CACNA1A: variants seen among roughly 807,000 people sequenced by gnomAD.
The protein encoded by CACNA1A is voltage-dependent P/Q-type calcium channel subunit alpha-1A.
Under a neutral mutation model 262.4 loss-of-function variants are expected in CACNA1A, and 57 were observed. That is an observed-to-expected ratio of 0.22 (90% CI 0.18 to 0.27). The LOEUF (loss-of-function observed/expected upper bound fraction) is 0.27. Among genes scored for constraint, CACNA1A ranks in the 10% least tolerant of loss-of-function variants. The pLI is 1.00. For missense variants in CACNA1A, 2,526 were observed against 3,562.8 expected, an observed-to-expected ratio of 0.71 and a Z score of 7.41; for synonymous variants, 1,431 against 1,419.3, an observed-to-expected ratio of 1.01 and a Z score of -0.18.
At position 13,407,763 on chromosome 19, in the gene CACNA1A, G is replaced by A. The variant is rs144406911; in HGVS notation, c.540-35984C>T. On this transcript the variant is annotated intron_variant, in intron 3 of 46. Transcript: ENST00000360228. ...CCTAGCACTTTGGGAGGCCAAGGCA[G>A]GCAGATTGCTTGAGCTCAGGAGTTA... 3.9e-3 allele frequency among the ~76,000 whole-genome samples: 600 copies of A among 152,310 alleles called. 4 individuals are homozygous for A. The highest frequency in any genetic ancestry group is 0.013 in the African/African-American group (560 of 41,568).
intron 17 of CACNA1A, 149 bp from the exon 18 acceptor site, chr19:13,300,805 G>A: frequency 1.5e-6 from 1 of 688,826 alleles, no homozygotes; most frequent in Non-Finnish European, 2.7e-6. Flanking sequence ...CCTGCTATTG[G>A]TTAAGTGTAT....
rs375315770 is a variant in CACNA1A at position 13,241,393 on chromosome 19, C to G, written c.4950+3789G>C. 1.5e-4 allele frequency: 105 copies of G among 709,250 alleles called. No homozygotes were observed. In the African/African-American group the frequency reaches 1.6e-3, roughly 10 times the overall value. The allele number at this position is 709,250 out of a possible 1,614,324, so 43.9% of individuals were successfully genotyped here. On this transcript the variant is annotated intron_variant, in intron 31 of 46. Coordinates refer to ENST00000360228, the MANE Select transcript of CACNA1A (RefSeq NM_001127222.2). This position sits in a 1 kb window ranked among gnomAD's most constrained non-coding sequence, Gnocchi z 4.0. ...GGGAGGACAGACAGACAGAGGAGAG[C>G]GGAGGGTTGAGGAGAGCGTCAGGCA...
chr19:13,207,292 CG>C lies in CACNA1A; in HGVS notation c.*20del, dbSNP rs770988256. On this transcript the variant is annotated 3_prime_UTR_variant, in exon 47 of 47. Transcript: ENST00000360228. This position sits in a 1 kb window ranked among gnomAD's most constrained non-coding sequence, Gnocchi z 5.7. ...TGCGTGGGGTGCGTGGGGGGCCGGG[CG>C]GGCGCCACCTCGCCCGGGCTTAGCA... 1.8e-5 allele frequency: 27 copies of C among 1,534,748 alleles called. 1 individual carries two copies. The Middle Eastern group carries it at 8.6e-4, about 49-fold the overall frequency.
rs1448345243 is a variant in CACNA1A, at chr19:13,332,893, C to A, written c.1231G>T (p.Gly411Trp). Reference protein sequence around the residue: ...EVILAEDETDGEQRHPFDALR... With the variant: ...EVILAEDETDWEQRHPFDALR... The stretch of plus-strand genomic sequence containing the variant: ...CCATCAAAGGGATGCCTCTGCTCCC[C>A]GTCAGTTTCATCCTCGGCGAGGATC... The change falls in exon 9 of 47, where the codon GGG (glycine) becomes TGG (tryptophan). Residue 411 changes from glycine (G) to tryptophan (W), a missense_variant. This residue lies in a region of CACNA1A where 104 missense variants were observed against 127.6 expected (regional missense o/e 0.81). Transcript: ENST00000360228. The A allele has an allele frequency of 2.2e-5, 36 of 1,612,872 alleles. No homozygotes were observed. Among genetic ancestry groups the A allele is most frequent in the Non-Finnish European group, 3.0e-5 (35 of 1,179,112 alleles).
chr19:13,207,299 C>T lies in CACNA1A; in HGVS notation c.*14G>A, dbSNP rs1374394410. 1 of 1,543,080 alleles carries T rather than the reference C, an allele frequency of 6.5e-7. No individual in the cohort carries two copies. Among genetic ancestry groups the T allele is most frequent in the Non-Finnish European group, 8.7e-7 (1 of 1,151,876 alleles). Reference sequence around the variant, plus strand: ...GGTGCGTGGGGGGCCGGGCGGGCGCCACCTCGCCCGGGCTTAGCACCAATC... The same window carrying T: ...GGTGCGTGGGGGGCCGGGCGGGCGCTACCTCGCCCGGGCTTAGCACCAATC... On this transcript the variant is annotated 3_prime_UTR_variant, in exon 47 of 47. Transcript: ENST00000360228. This position sits in a 1 kb window ranked among gnomAD's most constrained non-coding sequence, Gnocchi z 5.7.
chr19:13,208,100 A>G, intron 46 of CACNA1A, 47 bp from the exon 47 acceptor site: 1 of 1,226,482 alleles, frequency 8.2e-7, no homozygotes, highest in Non-Finnish European at 1.0e-6. Context: ...AGATACAACA[A>G]AATCAAAGGA....
chr19:13,363,496 A>T (rs574486015), intron 5 of CACNA1A: 1 of 118,858 alleles, frequency 8.4e-6, no homozygotes, highest in African/African-American at 4.8e-5. Flanking sequence ...AAAAGAGGAA[A>T]AAAAAAACCA....
intron 24 of CACNA1A, among the ~76,000 whole-genome samples, chr19:13,264,667 G>T (rs1421475699): frequency 6.6e-6 from 1 of 152,070 alleles, no homozygotes; most frequent in Non-Finnish European, 1.5e-5. Context: ...CACTTCTCCA[G>T]TCACAGAACT....
chr19:13,228,738 G>A lies in CACNA1A; in HGVS notation c.5529-1211C>T, dbSNP rs1266486228. ...TATGAGGACATTTCTTGCCTAAGCC[G>A]AGAGGGGGAGATATTACTCGTAATA... On this transcript the variant is annotated intron_variant, in intron 36 of 46. Transcript: ENST00000360228. 1.2e-6 allele frequency: 2 copies of A among 1,601,640 alleles called. No individual in the cohort carries two copies. Among genetic ancestry groups the A allele is most frequent in the South Asian group, 1.1e-5 (1 of 88,970 alleles).
intron 19 of CACNA1A, among the ~76,000 whole-genome samples, chr19:13,296,353 T>C (rs904621328): frequency 1.4e-4 from 22 of 152,318 alleles, no homozygotes; most frequent in Admixed American, 1.1e-3. Context: ...GATGGTAATA[T>C]AAAAGAGGAC....
At chr19:13,288,384 C>A (rs73511459) in intron 19 of CACNA1A, among the ~76,000 whole-genome samples, 3 of 151,976 alleles carry the variant, frequency 2.0e-5, no homozygotes, top group Non-Finnish European at 4.4e-5. Context: ...GGATTACCAG[C>A]GTGCACCACA....
intron 30 of CACNA1A, among the ~76,000 whole-genome samples, chr19:13,249,921 C>G (rs1010705631): frequency 4.6e-5 from 7 of 152,156 alleles, no homozygotes; most frequent in African/African-American, 1.7e-4. Flanking sequence ...GTAGGTCACT[C>G]TCTTCAAAGG....
At chr19:13,505,604 A>G (rs1371966362) in intron 1 of CACNA1A, among the ~76,000 whole-genome samples, 2 of 151,954 alleles carry the variant, frequency 1.3e-5, no homozygotes, top group African/African-American at 4.8e-5. Flanking sequence ...AACCCTCCGG[A>G]CTTGGCTCGA....
At chr19:13,404,113 T>C (rs897094035) in intron 3 of CACNA1A, among the ~76,000 whole-genome samples, 4 of 152,022 alleles carry the variant, frequency 2.6e-5, no homozygotes, top group African/African-American at 9.7e-5. Context: ...ATAAAATACA[T>C]TGACATTTGT....
intron 12 of CACNA1A, among the ~76,000 whole-genome samples, chr19:13,311,750 T>G (rs1478361324): frequency 6.6e-6 from 1 of 151,854 alleles, no homozygotes; most frequent in African/African-American, 2.4e-5. Flanking sequence ...GGCAGGAGAA[T>G]GGAGTGAACC....
chr19:13,291,816 A>C (rs1184011065), intron 19 of CACNA1A, among the ~76,000 whole-genome samples: 1 of 151,640 alleles, frequency 6.6e-6, no homozygotes, highest in Non-Finnish European at 1.5e-5. Flanking sequence ...TTTTAAAAAA[A>C]CCAACTTGGG....
Position 13,214,105 on chromosome 19 carries a change from G to A in CACNA1A, c.5940+128C>T. On this transcript the variant is annotated intron_variant, in intron 40 of 46. Coordinates refer to ENST00000360228, the MANE Select transcript of CACNA1A (RefSeq NM_001127222.2). The surrounding 1 kb of genome is among the most constrained non-coding windows in gnomAD (Gnocchi z 4.1). ...ACTGAGATTGCAGGTGTGAGCTGCT[G>A]TGCACAGCCCCTACTTTTCAGGGAC... 1 of 715,634 alleles carries A rather than the reference G, an allele frequency of 1.4e-6. No individual in the cohort carries two copies. The highest frequency in any genetic ancestry group is 2.4e-6 in the Non-Finnish European group (1 of 415,892). 44.3% of individuals were successfully genotyped at this position (715,634 alleles called of 1,614,324 possible).
chr19:13,371,088 ACT>A (rs2059315514), intron 4 of CACNA1A: 1 of 152,190 alleles, frequency 6.6e-6, no homozygotes, highest in African/African-American at 2.4e-5. Context: ...ATTACTGTCC[ACT>A]CTAAGAATTC....
chr19:13,479,603 AAAAGAGG>A (rs998878197), intron 1 of CACNA1A, among the ~76,000 whole-genome samples: 3 of 152,192 alleles, frequency 2.0e-5, no homozygotes, highest in Non-Finnish European at 4.4e-5. Flanking sequence ...GCTTGGGAAG[AAAAGAGG>A]AAAGAGGAAA....
Sources: gnomAD v4.1 joint callset for allele counts (sites outside exome capture counted in the v4.1 genomes callset) on GRCh38, gnomAD v4.1.1 for gene constraint, gnomAD v4.1.1 regional missense constraint, Gnocchi (gnomAD v3.1) non-coding constraint, MANE v1.5 for transcripts, NCBI Gene and HGNC (gene_info 2026-07-23, HGNC 2026-07-21) for gene names.